GTF2IRD1: variants seen among roughly 807,000 people sequenced by gnomAD.
GTF2IRD1 encodes general transcription factor II-I repeat domain-containing protein 1.
In GTF2IRD1, 26 loss-of-function variants were observed where a neutral mutation model predicts 113.2. The ratio of observed to expected loss-of-function variants is 0.23; its 90% CI spans 0.17 to 0.32. The LOEUF (loss-of-function observed/expected upper bound fraction) is 0.32. GTF2IRD1 is among the 10% of genes least tolerant of loss of function. The pLI, the probability that GTF2IRD1 is intolerant of heterozygous loss-of-function variation, is 1.00. For synonymous variants in GTF2IRD1, 484 were observed against 529.1 expected (o/e 0.91, Z 1.17); for missense variants, 864 against 1,280.8 (o/e 0.67, Z 4.97).
chr7:74,470,744 C>T (rs1159011553), intron 1 of GTF2IRD1, among the ~76,000 whole-genome samples: 1 of 152,072 alleles, frequency 6.6e-6, no homozygotes, highest in Non-Finnish European at 1.5e-5. Flanking sequence ...ACCTCACGAG[C>T]ATTGTGCTAA....
intron 1 of GTF2IRD1, among the ~76,000 whole-genome samples, chr7:74,486,225 C>T (rs1554335558): frequency 6.6e-6 from 1 of 152,142 alleles, no homozygotes; most frequent in Non-Finnish European, 1.5e-5. Flanking sequence ...CCCACACCGC[C>T]GTGGAGTCTA....
chr7:74,526,138 G>A (rs753419290), intron 8 of GTF2IRD1, among the ~76,000 whole-genome samples: 11 of 152,238 alleles, frequency 7.2e-5, no homozygotes, highest in African/African-American at 1.9e-4. Context: ...GGGAGGAGCC[G>A]GCTCTGCCTG....
chr7:74,541,043 C>T (rs1157178408), intron 14 of GTF2IRD1, among the ~76,000 whole-genome samples: 4 of 151,334 alleles, frequency 2.6e-5, no homozygotes, highest in Admixed American at 6.6e-5. Flanking sequence ...GGATTACAGG[C>T]GTGAGCCACC....
intron 17 of GTF2IRD1, among the ~76,000 whole-genome samples, chr7:74,553,066 A>C (rs1485924108): frequency 6.6e-6 from 1 of 151,962 alleles, no homozygotes; most frequent in Non-Finnish European, 1.5e-5. Flanking sequence ...TCGAACTCCT[A>C]ACCTTAAGTG....
intron 17 of GTF2IRD1, among the ~76,000 whole-genome samples, chr7:74,548,387 A>G (rs192759462): frequency 2.0e-5 from 3 of 151,312 alleles, no homozygotes; most frequent in East Asian, 3.9e-4. Flanking sequence ...GTGCCACTGC[A>G]CTCCAGTCTG....
intron 22 of GTF2IRD1, among the ~76,000 whole-genome samples, chr7:74,577,015 C>T (rs1274098057): frequency 3.3e-5 from 5 of 151,746 alleles, no homozygotes; most frequent in Non-Finnish European, 7.4e-5. Flanking sequence ...ACCAAGTGCC[C>T]GTGATGGGTT....
intron 3 of GTF2IRD1, among the ~76,000 whole-genome samples, chr7:74,514,357 G>T (rs1354109320): frequency 6.6e-6 from 1 of 152,118 alleles, no homozygotes; most frequent in East Asian, 1.9e-4. Flanking sequence ...GGGCCAGGAT[G>T]GGGGACTGGG....
intron 7 of GTF2IRD1, among the ~76,000 whole-genome samples, chr7:74,521,613 A>G (rs1321169207): frequency 6.6e-6 from 1 of 151,988 alleles, no homozygotes; most frequent in Non-Finnish European, 1.5e-5. Context: ...AATAAGAAAA[A>G]TTAGTGGATG....
chr7:74,503,039 C>T (rs915462210), intron 1 of GTF2IRD1, among the ~76,000 whole-genome samples: 2 of 151,824 alleles, frequency 1.3e-5, no homozygotes, highest in African/African-American at 2.4e-5. Context: ...TGGTGGTGCA[C>T]GCTTGTAATC....
chr7:74,458,567 A>T (rs537957783), intron 1 of GTF2IRD1, among the ~76,000 whole-genome samples: 5 of 152,172 alleles, frequency 3.3e-5, no homozygotes, highest in African/African-American at 1.2e-4. Context: ...CAGGTGTGGC[A>T]GAGGGGCTTT....
rs1300396087 is a variant in GTF2IRD1, at chr7:74,555,807, T to C, written c.2023+313T>C. On this transcript the variant is annotated intron_variant, in intron 19 of 26. Coordinates refer to ENST00000424337, the MANE Select transcript of GTF2IRD1 (RefSeq NM_005685.4). The surrounding 1 kb of genome is among the most constrained non-coding windows in gnomAD (Gnocchi z 5.3). ...TTTCAGCAATCAGCTGTGGTCTTAG[T>C]GCTTTGAAATCAGAATAGGAGCCAG... Among the ~76,000 whole-genome samples, 3 of 152,042 alleles carry C rather than the reference T, an allele frequency of 2.0e-5. No homozygotes were observed. The highest frequency in any genetic ancestry group is 7.2e-5 in the African/African-American group (3 of 41,398).
chr7:74,458,897 G>A (rs938211219), intron 1 of GTF2IRD1, among the ~76,000 whole-genome samples: 56 of 149,810 alleles, frequency 3.7e-4, no homozygotes, highest in African/African-American at 1.4e-3. Context: ...GACCTCAAGT[G>A]ATTGGCCCTC....
chr7:74,571,379 G>A lies in GTF2IRD1; in HGVS notation c.2320+11724G>A, dbSNP rs1800685682. 3.3e-5 allele frequency among the ~76,000 whole-genome samples: 5 copies of A among 152,236 alleles called. No homozygotes were observed. In the South Asian group the frequency reaches 1.0e-3, roughly 32 times the overall value. ...ACAGCCTGGGAGGCCTGGCTTTGCA[G>A]CATGGACAGGGCCCTTCAGGCCTGG... On this transcript the variant is annotated intron_variant, in intron 22 of 26. Coordinates refer to ENST00000424337, the MANE Select transcript of GTF2IRD1 (RefSeq NM_005685.4).
intron 2 of GTF2IRD1, among the ~76,000 whole-genome samples, chr7:74,511,865 G>A (rs1554343043): frequency 6.6e-6 from 1 of 152,212 alleles, no homozygotes; most frequent in Non-Finnish European, 1.5e-5. Flanking sequence ...GGTCTTGGTT[G>A]TAGGGACCCC....
chr7:74,561,716 T>C (rs1799977546), intron 22 of GTF2IRD1, among the ~76,000 whole-genome samples: 2 of 152,146 alleles, frequency 1.3e-5, no homozygotes, highest in Non-Finnish European at 2.9e-5. Flanking sequence ...TTTCTGGCCC[T>C]GCACTGGTGC....
At chr7:74,574,690 G>A (rs1554363880) in intron 22 of GTF2IRD1, among the ~76,000 whole-genome samples, 1 of 151,128 alleles carries the variant, frequency 6.6e-6, no homozygotes, top group East Asian at 1.9e-4. Flanking sequence ...GGAACTCCTG[G>A]GCTCAAGTAA....
At chr7:74,513,733 C>A (rs782352820) in intron 3 of GTF2IRD1, among the ~76,000 whole-genome samples, 6 of 152,132 alleles carry the variant, frequency 3.9e-5, no homozygotes, top group Admixed American at 1.3e-4. Flanking sequence ...CATCTTAGGC[C>A]AGGTGCAGTG....
intron 1 of GTF2IRD1, among the ~76,000 whole-genome samples, chr7:74,486,182 G>T (rs951000867): frequency 2.6e-5 from 4 of 152,130 alleles, no homozygotes; most frequent in African/African-American, 9.7e-5. Flanking sequence ...TGTTGGCCAG[G>T]CTGGTCTCGA....
intron 1 of GTF2IRD1, among the ~76,000 whole-genome samples, chr7:74,492,981 C>G (rs1403614775): frequency 1.3e-5 from 2 of 152,090 alleles, no homozygotes; most frequent in African/African-American, 4.8e-5. Context: ...CTGTGTTGCT[C>G]AGGCTAGTCT....
Sources: allele counts gnomAD v4.1 joint callset (sites outside exome capture counted in the v4.1 genomes callset), GRCh38; gene constraint gnomAD v4.1.1; non-coding constraint Gnocchi (gnomAD v3.1); transcripts MANE v1.5; gene names NCBI Gene and HGNC (gene_info 2026-07-23, HGNC 2026-07-21).